The following HMGCS2 variants were observed in gnomAD, a reference collection of about 807,000 sequenced individuals.
The protein encoded by HMGCS2 is hydroxymethylglutaryl-CoA synthase, mitochondrial.
A neutral mutation model predicts 57.4 loss-of-function variants in HMGCS2; 50 were observed. The observed-to-expected ratio is 0.87, with a 90% CI of 0.69 to 1.10. HMGCS2 has a LOEUF of 1.10. Among genes scored for constraint, HMGCS2 ranks in the 50% least tolerant of loss-of-function variants. The pLI is 0.00. For synonymous variants in HMGCS2, 254 were observed against 245.1 expected, an observed-to-expected ratio of 1.04 and a Z score of -0.34; for missense variants, 627 against 636.5, an observed-to-expected ratio of 0.99 and a Z score of 0.16.
intron 1 of HMGCS2, among the ~76,000 whole-genome samples, chr1:119,767,823 A>G (rs1653285987): frequency 6.6e-6 from 1 of 152,194 alleles, no homozygotes; most frequent in Non-Finnish European, 1.5e-5. Context: ...GAAACAGGTT[A>G]AATCCTGAGC....
At chr1:119,752,915 C>T (rs1045207422) in intron 7 of HMGCS2, among the ~76,000 whole-genome samples, 2 of 152,186 alleles carry the variant, frequency 1.3e-5, no homozygotes, top group African/African-American at 4.8e-5. Context: ...TCCTTAATCA[C>T]ATCAATCACA....
In HMGCS2 at chr1:119,764,566, G is replaced by A; in HGVS notation, c.165C>T (p.Gly55=). 1 of 1,614,222 alleles carries A rather than the reference G, an allele frequency of 6.2e-7. No individual in the cohort carries two copies. Among genetic ancestry groups the A allele is most frequent in the Non-Finnish European group, 8.5e-7 (1 of 1,180,036 alleles). The change falls in exon 2 of 10, where the codon GGC becomes GGT. Residue 55 remains glycine (G), a synonymous_variant. Coordinates refer to ENST00000369406, the MANE Select transcript of HMGCS2 (RefSeq NM_005518.4). The part of the protein sequence containing the change: ...AKTDTWPKDV[G]ILALEVYFPA... ...GGAAGTAGACCTCCAGGGCCAGGAT[G>A]CCCACGTCCTTTGGCCAAGTATCTG... is the stretch of plus-strand genomic sequence containing the variant.
chr1:119,760,075 G>A, intron 2 of HMGCS2, 86 bp from the exon 3 acceptor site: 2 of 1,244,442 alleles, frequency 1.6e-6, no homozygotes, highest in Non-Finnish European at 2.3e-6. Flanking sequence ...ACAATTCTAG[G>A]TCCTGGATAT....
intron 2 of HMGCS2, among the ~76,000 whole-genome samples, chr1:119,761,873 A>G (rs1490357082): frequency 6.6e-6 from 1 of 152,242 alleles, no homozygotes; most frequent in East Asian, 1.9e-4. Flanking sequence ...AACGCAAATC[A>G]AAAACATTAT....
Position 119,759,925 on chromosome 1 carries a change from T to C in HMGCS2, c.624A>G (p.Thr208=), listed in dbSNP as rs781161689. ...AVYPSGNARP[T]GGAGAVAMLI... The stretch of plus-strand genomic sequence containing the variant: ...GCATAGCCACAGCTCCGGCCCCACC[T>C]GTGGGACGAGCATTACCACTGGGAT... Residue 208 remains threonine, a synonymous_variant, in exon 3 of 10, where the codon ACA becomes ACG. Transcript: ENST00000369406. The C allele has an allele frequency of 6.2e-7, 1 of 1,614,114 alleles. No homozygotes were observed. Among genetic ancestry groups the C allele is most frequent in the Non-Finnish European group, 8.5e-7 (1 of 1,179,942 alleles).
At chr1:119,762,596 G>T (rs1420501992) in intron 2 of HMGCS2, among the ~76,000 whole-genome samples, 1 of 152,084 alleles carries the variant, frequency 6.6e-6, no homozygotes, top group Non-Finnish European at 1.5e-5. Flanking sequence ...AGGGTCCCCA[G>T]ATGAATGACT....
In HMGCS2 at chr1:119,755,597, C is replaced by G. The variant is rs777182302; in HGVS notation, c.1017G>C (p.Gly339=). ...TGTAGGTGTCTTCCAGCTTTAGCCC[C>G]CTGTGAGGTAGCCAGAGGTAGCCAT... ...TSLYKGLEAF[G]GLKLEDTYTN... Residue 339 remains glycine (G), a splice_region_variant and synonymous_variant, in exon 6 of 10, where the codon GGG becomes GGC. Transcript: ENST00000369406. The G allele has an allele frequency of 1.5e-5, 24 of 1,613,904 alleles. No homozygotes were observed. The East Asian group carries it at 5.1e-4, about 34-fold the overall frequency.
At chr1:119,754,507 AT>A (rs1197016726) in intron 6 of HMGCS2, among the ~76,000 whole-genome samples, 11 of 152,250 alleles carry the variant, frequency 7.2e-5, no homozygotes, top group African/African-American at 2.4e-4. Flanking sequence ...GCCCTTTCTT[AT>A]GTTAGATGCA....
At chr1:119,759,066 C>T in intron 4 of HMGCS2, 52 bp downstream of exon 4, 1 of 1,578,784 alleles carries the variant, frequency 6.3e-7, no homozygotes. Context: ...TGGGTACAAA[C>T]CCTTGGCCTA....
In HMGCS2 at chr1:119,750,807, C is replaced by T. The variant is rs76773981; in HGVS notation, c.1522G>A (p.Val508Ile). The T allele has an allele frequency of 2.9e-3, 4,659 of 1,611,352 alleles. 7 individuals carry two copies. The highest frequency in any genetic ancestry group is 3.5e-3 in the Non-Finnish European group (4,084 of 1,177,618). ...QHRRKYARRP[V>I] ...CAAACTCTCACTCACCACCTTTAGA[C>T]GGGACGCCGGGCATACTTTCGGCGA... The change falls in exon 9 of 10, where the codon GTC becomes ATC. Residue 508 changes from valine to isoleucine, a missense_variant. Coordinates refer to ENST00000369406, the MANE Select transcript of HMGCS2 (RefSeq NM_005518.4).
rs112412189 is a variant in HMGCS2, at chr1:119,759,117, C to A, written c.850+1G>T. The A allele has an allele frequency of 2.5e-6, 4 of 1,614,160 alleles. No homozygotes were observed. The highest frequency in any genetic ancestry group is 1.7e-6 in the Non-Finnish European group (2 of 1,180,008). On this transcript the variant is annotated splice_donor_variant, in intron 4 of 9. Transcript: ENST00000369406. LOFTEE classifies it high-confidence loss of function. Reference sequence around the variant, plus strand: ...CACTTTCTGCCCTCTGAATCTCATACCTTGCTTCCACTGATTCTGGATTTT... The same window carrying A: ...CACTTTCTGCCCTCTGAATCTCATAACTTGCTTCCACTGATTCTGGATTTT...
intron 9 of HMGCS2, among the ~76,000 whole-genome samples, chr1:119,749,739 C>G (rs1305815698): frequency 1.3e-5 from 2 of 152,298 alleles, no homozygotes; most frequent in African/African-American, 4.8e-5. Context: ...CTGCCACCCA[C>G]TGACTTCTTC....
At position 119,757,453 on chromosome 1, in the gene HMGCS2, G is replaced by C. The variant is rs192946286; in HGVS notation, c.851-15C>G. 1 of 1,613,956 alleles carries C rather than the reference G, an allele frequency of 6.2e-7. No individual in the cohort carries two copies. The highest frequency in any genetic ancestry group is 8.5e-7 in the Non-Finnish European group (1 of 1,179,950). ...ATCGCTGCCAGCTGGAAGAGGAAGCGTGAAGGCAAGGATGGGGCATGAGGG... is the reference window on the plus strand; with the variant it reads ...ATCGCTGCCAGCTGGAAGAGGAAGCCTGAAGGCAAGGATGGGGCATGAGGG... On this transcript the variant is annotated splice_polypyrimidine_tract_variant and intron_variant, in intron 4 of 9. Coordinates refer to ENST00000369406, the MANE Select transcript of HMGCS2 (RefSeq NM_005518.4).
chr1:119,761,944 G>C (rs72695177), intron 2 of HMGCS2, among the ~76,000 whole-genome samples: 2 of 152,298 alleles, frequency 1.3e-5, no homozygotes, highest in South Asian at 4.1e-4. Context: ...TTGTAGGAAT[G>C]TAAGTTAGTA....
intron 2 of HMGCS2, 68 bp downstream of exon 2, chr1:119,764,104 G>A: frequency 1.4e-6 from 2 of 1,461,574 alleles, no homozygotes; most frequent in Non-Finnish European, 1.9e-6. Flanking sequence ...GAACTGAAAA[G>A]CAAAACTGGT....
intron 2 of HMGCS2, among the ~76,000 whole-genome samples, 199 bp downstream of exon 2, chr1:119,763,973 A>G (rs587743834): frequency 2.0e-5 from 3 of 152,344 alleles, no homozygotes; most frequent in Admixed American, 6.5e-5. Flanking sequence ...GAATTAAATG[A>G]ATGGCTATGT....
chr1:119,759,506 A>G (rs1652963401), intron 3 of HMGCS2: 3 of 602,622 alleles, frequency 5.0e-6, no homozygotes, highest in Non-Finnish European at 8.8e-6. Flanking sequence ...TGGGCTTAAC[A>G]AAACCTAGAA....
At position 119,764,632 on chromosome 1, in the gene HMGCS2, A is replaced by T; in HGVS notation, c.105-6T>A. The T allele has an allele frequency of 6.2e-7, 1 of 1,608,948 alleles. No homozygotes were observed. Among genetic ancestry groups the T allele is most frequent in the South Asian group, 1.1e-5 (1 of 90,588 alleles). Reference sequence around the variant, plus strand: ...CAGCAGAGGCTGTAGAAAACCTGTGATGGAGATAACAGTCAAACTCCCACT... The same window carrying T: ...CAGCAGAGGCTGTAGAAAACCTGTGTTGGAGATAACAGTCAAACTCCCACT... On this transcript the variant is annotated splice_region_variant and splice_polypyrimidine_tract_variant and intron_variant, in intron 1 of 9. Coordinates refer to ENST00000369406, the MANE Select transcript of HMGCS2 (RefSeq NM_005518.4).
chr1:119,755,173 T>G lies in HMGCS2; in HGVS notation c.1187+254A>C, dbSNP rs78609262. Reference sequence around the variant, plus strand: ...CTGGGACCACACGTGCACACAACCATGCTCAGCTAATTTTTGTAGAGATGA... The same window carrying G: ...CTGGGACCACACGTGCACACAACCAGGCTCAGCTAATTTTTGTAGAGATGA... On this transcript the variant is annotated intron_variant, in intron 6 of 9. Transcript: ENST00000369406. Among the ~76,000 whole-genome samples the G allele has an allele frequency of 0.02, 3,099 of 152,168 alleles. 105 individuals carry two copies. The highest frequency in any genetic ancestry group is 0.069 in the African/African-American group (2,882 of 41,500).
Sources: allele counts gnomAD v4.1 joint callset (sites outside exome capture counted in the v4.1 genomes callset), GRCh38; gene constraint gnomAD v4.1.1; transcripts MANE v1.5; gene names NCBI Gene and HGNC (gene_info 2026-07-23, HGNC 2026-07-21).